Variants in KSR1 observed in about 807,000 individuals in gnomAD.
KSR1 encodes kinase suppressor of ras.
A neutral mutation model predicts 92.9 loss-of-function variants in KSR1; 35 were observed. That is an observed-to-expected ratio of 0.38 (90% CI 0.29 to 0.50). The LOEUF (loss-of-function observed/expected upper bound fraction) is 0.50. Ranked by LOEUF, KSR1 falls within the 20% of genes least tolerant of loss-of-function variation. KSR1 has a pLI of 0.94. For missense variants in KSR1, 972 were observed against 1,158.5 expected, an observed-to-expected ratio of 0.84 and a Z score of 2.34; for synonymous variants, 467 against 472.6, an observed-to-expected ratio of 0.99 and a Z score of 0.15.
chr17:27,486,308 G>A (rs1433251185), intron 1 of KSR1, among the ~76,000 whole-genome samples: 1 of 152,230 alleles, frequency 6.6e-6, no homozygotes, highest in Non-Finnish European at 1.5e-5. Context: ...GTTGTCTTGG[G>A]TCTGGCATCC....
chr17:27,456,566 C>T lies in KSR1; in HGVS notation c.-78C>T, dbSNP rs2019168301. The T allele has an allele frequency of 2.2e-6, 1 of 453,270 alleles. No individual in the cohort carries two copies. Among genetic ancestry groups the T allele is most frequent in the African/African-American group, 2.1e-5 (1 of 48,068 alleles). 28.1% of individuals were successfully genotyped at this position (453,270 alleles called of 1,614,324 possible). ...CGAGGGGCGCTCCTGGTCCAGCTCTCCTGGCTCGGGGGTTCCTTGCCGAGG... is the reference window on the plus strand; with the variant it reads ...CGAGGGGCGCTCCTGGTCCAGCTCTTCTGGCTCGGGGGTTCCTTGCCGAGG... On this transcript the variant is annotated 5_prime_UTR_variant, in exon 1 of 21. Transcript: ENST00000644974.
chr17:27,567,762 T>TC (rs1163029668), intron 2 of KSR1, among the ~76,000 whole-genome samples: 3 of 151,556 alleles, frequency 2.0e-5, no homozygotes, highest in African/African-American at 4.8e-5. Context: ...TGGCTCGCCC[T>TC]CCCGGGGGCA....
In KSR1 at chr17:27,623,445, G is replaced by A. The variant is rs1337171898; in HGVS notation, c.*53G>A. On this transcript the variant is annotated 3_prime_UTR_variant, in exon 21 of 21. Transcript: ENST00000644974. ...CTCTTTCTTTTTAAAATGTGTTTCT[G>A]AAACATCCCAACAACCACCACGACA... 2.7e-6 allele frequency: 2 copies of A among 729,016 alleles called. No individual in the cohort carries two copies. The highest frequency in any genetic ancestry group is 5.0e-6 in the Non-Finnish European group (2 of 398,370). The allele number at this position is 729,016 out of a possible 1,614,324, so 45.2% of individuals were successfully genotyped here.
chr17:27,577,978 C>T lies in KSR1; in HGVS notation c.520+339C>T, dbSNP rs774385895. ...TTCCCACATTCCAGCCCCCAGCCCT[C>T]TCCCCGTCTTCTCCTGTCCCCATTG... On this transcript the variant is annotated intron_variant, in intron 3 of 20. Transcript: ENST00000644974. The surrounding 1 kb of genome is among the most constrained non-coding windows in gnomAD (Gnocchi z 4.5). The T allele has an allele frequency of 4.8e-6, 2 of 419,534 alleles. No homozygotes were observed. Among genetic ancestry groups the T allele is most frequent in the Non-Finnish European group, 9.0e-6 (2 of 222,848 alleles). 26.0% of individuals were successfully genotyped at this position (419,534 alleles called of 1,614,324 possible).
chr17:27,550,622 C>G lies in KSR1; in HGVS notation c.286C>G (p.Pro96Ala), dbSNP rs754418839. ...KQRQCKLSVA[P>A]GERTPELNSY... Reference sequence around the variant, plus strand: ...GAGGCAGTGCAAGCTGAGCGTGGCTCCCGGTGAGAGGACCCCAGAGCTCAA... The same window carrying G: ...GAGGCAGTGCAAGCTGAGCGTGGCTGCCGGTGAGAGGACCCCAGAGCTCAA... The change falls in exon 2 of 21, where the codon CCC (proline) becomes GCC (alanine). Residue 96 changes from proline (P) to alanine (A), a missense_variant. Coordinates refer to ENST00000644974, the MANE Select transcript of KSR1 (RefSeq NM_001394583.1). 1 of 764,720 alleles carries G rather than the reference C, an allele frequency of 1.3e-6. No individual in the cohort carries two copies. The highest frequency in any genetic ancestry group is 2.4e-6 in the Non-Finnish European group (1 of 417,896). 47.4% of individuals were successfully genotyped at this position (764,720 alleles called of 1,614,324 possible). A position where few individuals can be genotyped will look rare whatever the true frequency, so the allele number is the denominator to read the frequency against.
intron 1 of KSR1, among the ~76,000 whole-genome samples, chr17:27,516,100 G>A (rs1045592447): frequency 5.9e-5 from 9 of 152,064 alleles, no homozygotes; most frequent in Admixed American, 1.3e-4. Flanking sequence ...ATCTAACTAA[G>A]AGACCTATCA....
intron 2 of KSR1, among the ~76,000 whole-genome samples, chr17:27,562,754 A>C (rs1166959935): frequency 6.6e-6 from 1 of 152,226 alleles, no homozygotes; most frequent in Non-Finnish European, 1.5e-5. Flanking sequence ...AAAAAATAGC[A>C]CATAAATTTC....
chr17:27,619,864 C>A (rs2074174018), intron 19 of KSR1, among the ~76,000 whole-genome samples: 1 of 152,164 alleles, frequency 6.6e-6, no homozygotes, highest in Non-Finnish European at 1.5e-5. Flanking sequence ...AGGTGCCTGC[C>A]ACCACACCTG....
intron 1 of KSR1, among the ~76,000 whole-genome samples, chr17:27,483,315 C>T (rs2068564343): frequency 6.6e-6 from 1 of 152,176 alleles, no homozygotes; most frequent in African/African-American, 2.4e-5. Context: ...CAGCTGGGCA[C>T]AGTGGCTCAC....
intron 2 of KSR1, among the ~76,000 whole-genome samples, chr17:27,572,896 G>A (rs987765049): frequency 6.6e-6 from 1 of 152,192 alleles, no homozygotes; most frequent in African/African-American, 2.4e-5. Context: ...ACAGCCACGC[G>A]ACCGTCCTGG....
At chr17:27,556,676 G>T (rs571109454) in intron 2 of KSR1, among the ~76,000 whole-genome samples, 4 of 152,180 alleles carry the variant, frequency 2.6e-5, no homozygotes, top group Non-Finnish European at 5.9e-5. Context: ...AAGAAATTGC[G>T]TAGGGCCATG....
chr17:27,539,661 A>T (rs1053304403), intron 1 of KSR1, among the ~76,000 whole-genome samples: 2 of 152,184 alleles, frequency 1.3e-5, no homozygotes, highest in Admixed American at 1.3e-4. Flanking sequence ...CTTCAGGCAC[A>T]GGGGAGTTAG....
At chr17:27,462,470 C>T (rs1026347724) in intron 1 of KSR1, among the ~76,000 whole-genome samples, 28 of 152,260 alleles carry the variant, frequency 1.8e-4, no homozygotes, top group Middle Eastern at 3.4e-3. Context: ...CCTCAGGGTT[C>T]GGGCATGGGT....
Position 27,617,677 on chromosome 17 carries a change from G to T in KSR1, c.2627+249G>T, listed in dbSNP as rs559862738. 6.6e-6 allele frequency: 3 copies of T among 451,240 alleles called. No homozygotes were observed. The South Asian group carries it at 7.0e-5, about 11-fold the overall frequency. 28.0% of individuals were successfully genotyped at this position (451,240 alleles called of 1,614,324 possible). A position where few individuals can be genotyped will look rare whatever the true frequency, so the allele number is the denominator to read the frequency against. Reference sequence around the variant, plus strand: ...CGAGTAGCTGGGACTGTAGGCACCTGCCACCACACTTGGCTAATTATTGTA... The same window carrying T: ...CGAGTAGCTGGGACTGTAGGCACCTTCCACCACACTTGGCTAATTATTGTA... On this transcript the variant is annotated intron_variant, in intron 19 of 20. Transcript: ENST00000644974.
chr17:27,585,062 G>A (rs992913255), intron 4 of KSR1, among the ~76,000 whole-genome samples: 7 of 152,132 alleles, frequency 4.6e-5, no homozygotes, highest in Admixed American at 2.6e-4. Context: ...TCAGCCTCCC[G>A]AGTAGCTGGG....
chr17:27,519,765 G>A (rs565381097), intron 1 of KSR1, among the ~76,000 whole-genome samples: 54 of 152,338 alleles, frequency 3.5e-4, no homozygotes, highest in African/African-American at 1.3e-3. Flanking sequence ...ATTGGGACGG[G>A]TTGTGGTGAG....
At chr17:27,483,596 A>AAG (rs979849756) in intron 1 of KSR1, 1 of 151,802 alleles carries the variant, frequency 6.6e-6, no homozygotes, top group African/African-American at 2.4e-5. Context: ...AAAAAAAAAA[A>AAG]AAAAAAGAAA....
intron 2 of KSR1, among the ~76,000 whole-genome samples, chr17:27,553,340 C>T (rs897624607): frequency 1.3e-5 from 2 of 152,208 alleles, no homozygotes; most frequent in African/African-American, 2.4e-5. Flanking sequence ...TCAACAGCCT[C>T]CTGGGGAGTG....
chr17:27,500,650 C>G (rs190721894), intron 1 of KSR1, among the ~76,000 whole-genome samples: 1 of 152,256 alleles, frequency 6.6e-6, no homozygotes, highest in South Asian at 2.1e-4. Context: ...AGTAGCGTTA[C>G]GACAACTGAA....
Sources: allele counts gnomAD v4.1 joint callset (sites outside exome capture counted in the v4.1 genomes callset), GRCh38; gene constraint gnomAD v4.1.1; non-coding constraint Gnocchi (gnomAD v3.1); transcripts MANE v1.5; gene names NCBI Gene and HGNC (gene_info 2026-07-23, HGNC 2026-07-21).